VPS54: variants seen among roughly 807,000 people sequenced by gnomAD.
The protein encoded by VPS54 is VPS54 subunit of GARP complex.
In VPS54, 45 loss-of-function variants were observed where a neutral mutation model predicts 121.5. That is an observed-to-expected ratio of 0.37 (90% CI 0.29 to 0.47). The LOEUF (loss-of-function observed/expected upper bound fraction) is 0.47, where lower values mean the gene tolerates loss of function less well. Ranked by LOEUF, VPS54 falls within the 20% of genes least tolerant of loss-of-function variation. The probability of loss-of-function intolerance (pLI) is 0.99; values close to 1 mark genes in which losing one functional copy is unlikely to be tolerated. For missense variants in VPS54, 1,090 were observed against 1,131.4 expected, an observed-to-expected ratio of 0.96 and a Z score of 0.52; for synonymous variants, 371 against 385.8, an observed-to-expected ratio of 0.96 and a Z score of 0.45.
intron 1 of VPS54, among the ~76,000 whole-genome samples, chr2:63,985,315 T>C (rs905788923): frequency 2.0e-5 from 3 of 151,806 alleles, no homozygotes; most frequent in African/African-American, 7.3e-5. Flanking sequence ...TGAGACCCCG[T>C]CTCAAACAAA....
At chr2:63,914,709 G>A (rs1673299948) in intron 16 of VPS54, among the ~76,000 whole-genome samples, 1 of 151,928 alleles carries the variant, frequency 6.6e-6, no homozygotes, top group Non-Finnish European at 1.5e-5. Context: ...CAACATAGTA[G>A]GTCCTCCATC....
At chr2:63,937,078 A>G (rs1674489146) in intron 11 of VPS54, among the ~76,000 whole-genome samples, 1 of 152,186 alleles carries the variant, frequency 6.6e-6, no homozygotes, top group African/African-American at 2.4e-5. Flanking sequence ...GCTTCAGGAC[A>G]CTGGATTTGG....
chr2:63,910,915 T>C (rs932382575), intron 20 of VPS54, among the ~76,000 whole-genome samples: 5 of 152,174 alleles, frequency 3.3e-5, no homozygotes, highest in African/African-American at 9.7e-5. Context: ...CTATTTTTGT[T>C]TGTTTGTTTT....
chr2:63,987,974 A>C (rs1677132630), intron 1 of VPS54, among the ~76,000 whole-genome samples: 1 of 152,192 alleles, frequency 6.6e-6, no homozygotes. Context: ...AAACAAGGAT[A>C]ATTTGACTCC....
intron 12 of VPS54, among the ~76,000 whole-genome samples, chr2:63,921,846 C>G (rs1326509199): frequency 6.6e-6 from 1 of 152,214 alleles, no homozygotes; most frequent in African/African-American, 2.4e-5. Flanking sequence ...ATTTTCAACA[C>G]TTGGTTCAGA....
At chr2:63,910,929 G>T (rs945650203) in intron 20 of VPS54, among the ~76,000 whole-genome samples, 14 of 152,234 alleles carry the variant, frequency 9.2e-5, no homozygotes, top group African/African-American at 3.4e-4. Flanking sequence ...TTGTTTTAGA[G>T]ACCGGGTCTT....
At position 63,978,177 on chromosome 2, in the gene VPS54, C is replaced by T. The variant is rs192692166; in HGVS notation, c.378+3469G>A. ...TTGCTAAGGTTTTTTGTTGTGAGAA[C>T]GGAAGTGACAACTTCCAAGCTCCTT... On this transcript the variant is annotated intron_variant, in intron 3 of 22. Transcript: ENST00000272322. Among the ~76,000 whole-genome samples the T allele has an allele frequency of 1.1e-3, 165 of 152,300 alleles. 1 individual carries two copies. The highest frequency in any genetic ancestry group is 3.4e-3 in the Middle Eastern group (1 of 294).
Position 63,914,286 on chromosome 2 carries a change from T to C in VPS54, c.2230A>G (p.Thr744Ala), listed in dbSNP as rs1673281288. 7 of 1,595,954 alleles carry C rather than the reference T, an allele frequency of 4.4e-6. No homozygotes were observed. The highest frequency in any genetic ancestry group is 6.0e-6 in the Non-Finnish European group (7 of 1,172,430). ...ATAATTCTTATTAACAGCAATACGGTTCTACAAGAAAAGAAAAATGGCCCA... is the reference window on the plus strand; with the variant it reads ...ATAATTCTTATTAACAGCAATACGGCTCTACAAGAAAAGAAAAATGGCCCA... ...VEGQQYAVVG[T>A]VLLLIRIILE... The change falls in exon 17 of 23, where the codon ACC becomes GCC. Residue 744 changes from threonine to alanine, a missense_variant and splice_region_variant. Physicochemically the swap from Thr to Ala is moderately conservative, Grantham distance 58. Coordinates refer to ENST00000272322, the MANE Select transcript of VPS54 (RefSeq NM_016516.3).
At chr2:63,911,474 A>G (rs1454730274) in intron 20 of VPS54, among the ~76,000 whole-genome samples, 1 of 152,172 alleles carries the variant, frequency 6.6e-6, no homozygotes, top group Non-Finnish European at 1.5e-5. Context: ...TAATAATATT[A>G]TTAATAAGAT....
chr2:63,921,381 A>C lies in VPS54; in HGVS notation c.1740-46T>G, dbSNP rs762898704. 4.4e-6 allele frequency: 7 copies of C among 1,600,792 alleles called. No homozygotes were observed. The South Asian group carries it at 6.7e-5, about 15-fold the overall frequency. ...TTTAGTCAGGGAAAGTTGTAAACAT[A>C]GTATTCTCCACAGGTGACCTATCAA... is the stretch of plus-strand genomic sequence containing the variant. On this transcript the variant is annotated intron_variant, in intron 12 of 22. Transcript: ENST00000272322.
At chr2:63,928,033 T>C (rs192121330) in intron 12 of VPS54, among the ~76,000 whole-genome samples, 11 of 152,252 alleles carry the variant, frequency 7.2e-5, no homozygotes, top group Non-Finnish European at 7.4e-5. Flanking sequence ...AAATCTACGT[T>C]TGATTGGTGT....
intron 1 of VPS54, among the ~76,000 whole-genome samples, chr2:64,005,265 G>C (rs986139470): frequency 2.7e-5 from 4 of 150,004 alleles, no homozygotes; most frequent in Admixed American, 2.0e-4. Flanking sequence ...CACCGCGCCC[G>C]GCTAATTTTT....
At chr2:63,918,446 A>G (rs1673484261) in intron 15 of VPS54, among the ~76,000 whole-genome samples, 1 of 149,000 alleles carries the variant, frequency 6.7e-6, no homozygotes, top group South Asian at 2.1e-4. Context: ...GATGAGTGAT[A>G]AGTCTTATAA....
intron 12 of VPS54, among the ~76,000 whole-genome samples, chr2:63,924,470 T>C (rs76433448): frequency 0.018 from 2,685 of 151,462 alleles, 34 homozygotes; most frequent in Non-Finnish European, 0.022. Flanking sequence ...CCAAGAAGAG[T>C]TGAGGCAATC....
chr2:63,988,943 C>T (rs1194231819), intron 1 of VPS54, among the ~76,000 whole-genome samples: 3 of 152,118 alleles, frequency 2.0e-5, no homozygotes, highest in Non-Finnish European at 4.4e-5. Flanking sequence ...TTGCTGAGTT[C>T]TTTCCCCAGT....
intron 6 of VPS54, among the ~76,000 whole-genome samples, chr2:63,963,847 GA>G (rs1675874541): frequency 6.6e-6 from 1 of 152,122 alleles, no homozygotes; most frequent in African/African-American, 2.4e-5. Flanking sequence ...GTGCTACCCA[GA>G]ATGTGATTTA....
At position 63,991,489 on chromosome 2, in the gene VPS54, C is replaced by A. The variant is rs1363449427; in HGVS notation, c.-20-7470G>T. Among the ~76,000 whole-genome samples, 4 of 152,224 alleles carry A rather than the reference C, an allele frequency of 2.6e-5. No homozygotes were observed. The East Asian group carries it at 7.7e-4, about 29-fold the overall frequency. On this transcript the variant is annotated intron_variant, in intron 1 of 22. Transcript: ENST00000272322. The stretch of plus-strand genomic sequence containing the variant: ...CACGGGCCATGAAGGACCAATCAAA[C>A]TGGCCCCACTAATTCTTTTCTTGGA...
chr2:63,970,190 C>T lies in VPS54; in HGVS notation c.458-1199G>A, dbSNP rs1044457092. 3.8e-4 allele frequency among the ~76,000 whole-genome samples: 50 copies of T among 131,012 alleles called. 2 individuals carry two copies. The East Asian group carries it at 9.9e-3, about 26-fold the overall frequency. 85.9% of individuals were successfully genotyped at this position (131,012 alleles called of 152,430 possible). ...GTATATAAACATGCTCAGTTCTTTC[C>T]CATTAAAAAAAAATATATATATACA... is the stretch of plus-strand genomic sequence containing the variant. On this transcript the variant is annotated intron_variant, in intron 4 of 22. Coordinates refer to ENST00000272322, the MANE Select transcript of VPS54 (RefSeq NM_016516.3).
At chr2:63,903,616 A>G (rs975670227) in intron 20 of VPS54, among the ~76,000 whole-genome samples, 12 of 152,196 alleles carry the variant, frequency 7.9e-5, no homozygotes, top group Non-Finnish European at 1.2e-4. Flanking sequence ...ATGTATGACA[A>G]TAATAGCACA....
Sources: gnomAD v4.1 joint callset for allele counts (sites outside exome capture counted in the v4.1 genomes callset) on GRCh38, gnomAD v4.1.1 for gene constraint, MANE v1.5 for transcripts, NCBI Gene and HGNC (gene_info 2026-07-23, HGNC 2026-07-21) for gene names.